FARS2: variants seen among roughly 807,000 people sequenced by gnomAD.
The protein encoded by FARS2 is phenylalanine--tRNA ligase, mitochondrial.
In FARS2, 40 loss-of-function variants were observed where a neutral mutation model predicts 46.4. The ratio of observed to expected loss-of-function variants is 0.86; its 90% CI spans 0.67 to 1.12. The LOEUF is 1.12. Ranked by LOEUF, FARS2 falls within the 50% of genes most tolerant of loss-of-function variation. FARS2 has a pLI of 0.00. For missense variants in FARS2, 513 were observed against 567.9 expected, an observed-to-expected ratio of 0.90 and a Z score of 0.98; for synonymous variants, 234 against 214.9, an observed-to-expected ratio of 1.09 and a Z score of -0.78.
intron 6 of FARS2, among the ~76,000 whole-genome samples, chr6:5,648,344 C>G (rs1307324642): frequency 6.6e-6 from 1 of 152,208 alleles, no homozygotes; most frequent in African/African-American, 2.4e-5. Flanking sequence ...CACTTACTGG[C>G]AAGAATACAG....
intron 4 of FARS2, among the ~76,000 whole-genome samples, chr6:5,447,658 G>A (rs1272218494): frequency 6.6e-6 from 1 of 152,148 alleles, no homozygotes; most frequent in Non-Finnish European, 1.5e-5. Context: ...TTGTGTTTTT[G>A]ACCCACATTT....
At position 5,742,789 on chromosome 6, in the gene FARS2, A is replaced by G. The variant is rs112498364; in HGVS notation, c.1218-28502A>G. Among the ~76,000 whole-genome samples the G allele has an allele frequency of 2.0e-3, 303 of 152,218 alleles. 1 individual carries two copies. The highest frequency in any genetic ancestry group is 3.0e-3 in the Non-Finnish European group (207 of 68,024). ...TGAACTGGTAAACTTTCTATCCCAT[A>G]AGAGTTTCTTTAAATAGAAAACAAA... is the stretch of plus-strand genomic sequence containing the variant. On this transcript the variant is annotated intron_variant, in intron 6 of 6. Transcript: ENST00000274680.
intron 6 of FARS2, among the ~76,000 whole-genome samples, chr6:5,699,566 GGCGC>G (rs1345054481): frequency 6.6e-6 from 1 of 151,236 alleles, no homozygotes; most frequent in Non-Finnish European, 1.5e-5. Context: ...GGAGTGCAGT[GGCGC>G]GATCTCGGCT....
Position 5,269,101 on chromosome 6 carries a change from A to G in FARS2, c.-22+7441A>G, listed in dbSNP as rs190617038. ...TTGGAACCAACCCAAATGTCCATCA[A>G]TGATAGACTGGATTAAGAAAATGTG... On this transcript the variant is annotated intron_variant, in intron 1 of 6. Transcript: ENST00000274680. Among the ~76,000 whole-genome samples the G allele has an allele frequency of 2.7e-3, 414 of 152,348 alleles. 4 individuals are homozygous for G. The highest frequency in any genetic ancestry group is 9.6e-3 in the African/African-American group (398 of 41,568).
rs116737052 is a variant in FARS2, at chr6:5,693,221, G to A, written c.1218-78070G>A. Among the ~76,000 whole-genome samples, 125 of 152,258 alleles carry A rather than the reference G, an allele frequency of 8.2e-4. 1 individual carries two copies. Among genetic ancestry groups the A allele is most frequent in the African/African-American group, 2.7e-3 (113 of 41,554 alleles). ...ACAGCCACAGAGACAACTGTCACACGTTGTCAGCTGGAACAGATGAAAGAG... is the reference window on the plus strand; with the variant it reads ...ACAGCCACAGAGACAACTGTCACACATTGTCAGCTGGAACAGATGAAAGAG... On this transcript the variant is annotated intron_variant, in intron 6 of 6. Transcript: ENST00000274680.
At chr6:5,651,469 G>A (rs1777359255) in intron 6 of FARS2, among the ~76,000 whole-genome samples, 1 of 152,168 alleles carries the variant, frequency 6.6e-6, no homozygotes, top group African/African-American at 2.4e-5. Context: ...TAAAAGCAAG[G>A]TGTTTCCACC....
At chr6:5,702,669 T>G (rs1240129877) in intron 6 of FARS2, among the ~76,000 whole-genome samples, 2 of 152,224 alleles carry the variant, frequency 1.3e-5, no homozygotes, top group Non-Finnish European at 2.9e-5. Flanking sequence ...TTGTTTTATT[T>G]TGTAAAAACA....
intron 6 of FARS2, 96 bp from the exon 7 acceptor site, chr6:5,771,195 T>C: frequency 2.9e-6 from 4 of 1,382,266 alleles, no homozygotes; most frequent in Non-Finnish European, 4.1e-6. Context: ...AGTTCTCCAC[T>C]GCAGTTGGGG....
At chr6:5,516,478 A>T (rs1316137170) in intron 4 of FARS2, among the ~76,000 whole-genome samples, 1 of 152,228 alleles carries the variant, frequency 6.6e-6, no homozygotes, top group Non-Finnish European at 1.5e-5. Flanking sequence ...TGACACAGCC[A>T]CAGAAGCGGA....
chr6:5,556,729 A>AT, intron 5 of FARS2, among the ~76,000 whole-genome samples: 1 of 152,166 alleles, frequency 6.6e-6, no homozygotes, highest in East Asian at 1.9e-4. Flanking sequence ...GGTCCTCAGC[A>AT]TTTTCTTACA....
chr6:5,568,156 G>C (rs1772427604), intron 5 of FARS2, among the ~76,000 whole-genome samples: 1 of 152,086 alleles, frequency 6.6e-6, no homozygotes, highest in African/African-American at 2.4e-5. Context: ...GTCTCTTGCT[G>C]TTTTTCTCTA....
At chr6:5,305,634 C>T (rs1430013933) in intron 1 of FARS2, among the ~76,000 whole-genome samples, 1 of 152,216 alleles carries the variant, frequency 6.6e-6, no homozygotes, top group East Asian at 1.9e-4. Flanking sequence ...AGCTTCCCCA[C>T]GATCACACAG....
intron 6 of FARS2, among the ~76,000 whole-genome samples, chr6:5,622,880 G>C (rs940102548): frequency 6.6e-6 from 1 of 152,218 alleles, no homozygotes; most frequent in South Asian, 2.1e-4. Context: ...TCAGTGGAGG[G>C]AGACTTACTA....
chr6:5,691,443 C>A (rs1475158462), intron 6 of FARS2, among the ~76,000 whole-genome samples: 1 of 152,198 alleles, frequency 6.6e-6, no homozygotes, highest in Admixed American at 6.5e-5. Flanking sequence ...TTGGAGTTTG[C>A]TGGAGGTCCA....
chr6:5,663,376 C>G (rs976660094), intron 6 of FARS2, among the ~76,000 whole-genome samples: 4 of 152,178 alleles, frequency 2.6e-5, no homozygotes, highest in Non-Finnish European at 5.9e-5. Flanking sequence ...TTCCCAATAT[C>G]TGTTTGGATG....
At chr6:5,435,742 C>T (rs991291564) in intron 4 of FARS2, among the ~76,000 whole-genome samples, 4 of 152,156 alleles carry the variant, frequency 2.6e-5, no homozygotes, top group African/African-American at 9.7e-5. Flanking sequence ...AACTATGAGC[C>T]GTGATCATGC....
intron 1 of FARS2, among the ~76,000 whole-genome samples, chr6:5,341,009 A>T (rs917024420): frequency 6.6e-6 from 1 of 150,974 alleles, no homozygotes; most frequent in Non-Finnish European, 1.5e-5. Context: ...TTAGCCAGGC[A>T]TGGTGACGTG....
At chr6:5,659,797 G>A (rs139379696) in intron 6 of FARS2, among the ~76,000 whole-genome samples, 300 of 152,342 alleles carry the variant, frequency 2.0e-3, no homozygotes, top group Middle Eastern at 6.8e-3. Flanking sequence ...TAAAGGAACT[G>A]TAATATAAAC....
intron 5 of FARS2, among the ~76,000 whole-genome samples, chr6:5,558,960 G>T (rs1477937236): frequency 6.6e-6 from 1 of 152,048 alleles, no homozygotes; most frequent in East Asian, 1.9e-4. Flanking sequence ...AAGCGATTTT[G>T]CATCTATTTT....
Sources: gnomAD v4.1 joint callset for allele counts (sites outside exome capture counted in the v4.1 genomes callset) on GRCh38, gnomAD v4.1.1 for gene constraint, MANE v1.5 for transcripts, NCBI Gene and HGNC (gene_info 2026-07-23, HGNC 2026-07-21) for gene names.